Variants in PDS5B observed in about 807,000 individuals in gnomAD.
PDS5B encodes the protein PDS5 cohesin associated factor B, also known as sister chromatid cohesion protein PDS5 homolog B.
PDS5B carries 51 observed loss-of-function variants against 184.1 expected under a neutral mutation model. That is an observed-to-expected ratio of 0.28 (90% CI 0.22 to 0.35). The LOEUF is 0.35. Ranked by LOEUF, PDS5B falls within the 10% of genes least tolerant of loss-of-function variation. The probability of loss-of-function intolerance (pLI) is 1.00; values close to 1 mark genes in which losing one functional copy is unlikely to be tolerated. For synonymous variants in PDS5B, 566 were observed against 569.2 expected, an observed-to-expected ratio of 0.99 and a Z score of 0.08; for missense variants, 1,180 against 1,723.3, an observed-to-expected ratio of 0.68 and a Z score of 5.58.
intron 2 of PDS5B, chr13:32,650,266 T>C (rs1950335818): frequency 6.6e-6 from 1 of 152,216 alleles, no homozygotes; most frequent in Admixed American, 6.5e-5. Context: ...TTAATGTTTG[T>C]AATATGCTTT....
At chr13:32,683,315 A>ATTTTTTTTT in intron 10 of PDS5B, among the ~76,000 whole-genome samples, 1 of 119,916 alleles carries the variant, frequency 8.3e-6, no homozygotes, top group Non-Finnish European at 1.8e-5. Flanking sequence ...GGCCTTTAAA[A>ATTTTTTTTT]TTTTTTTTTT....
intron 1 of PDS5B, among the ~76,000 whole-genome samples, chr13:32,634,991 C>T (rs9526486): frequency 6.8e-6 from 1 of 146,432 alleles, no homozygotes; most frequent in South Asian, 2.1e-4. Context: ...AGCAATATTT[C>T]TTACTGCCTC....
At chr13:32,715,614 C>T (rs1952358126) in intron 19 of PDS5B, among the ~76,000 whole-genome samples, 1 of 149,902 alleles carries the variant, frequency 6.7e-6, no homozygotes. Flanking sequence ...CTAATAAAAC[C>T]ACCAGTGTAG....
At chr13:32,589,796 T>TTTTAAA (rs1555284735) in intron 1 of PDS5B, among the ~76,000 whole-genome samples, 1 of 151,496 alleles carries the variant, frequency 6.6e-6, no homozygotes, top group Non-Finnish European at 1.5e-5. Flanking sequence ...TGTATTTACT[T>TTTTAAA]TTTAAGAAGC....
At chr13:32,649,116 G>C (rs1419701094) in intron 2 of PDS5B, 2 of 393,780 alleles carry the variant, frequency 5.1e-6, no homozygotes, top group Middle Eastern at 1.4e-3. Context: ...CCTATACTTG[G>C]GTATAAAGAA....
intron 1 of PDS5B, among the ~76,000 whole-genome samples, chr13:32,628,343 G>C (rs1185116650): frequency 2.0e-5 from 3 of 151,928 alleles, no homozygotes; most frequent in Non-Finnish European, 4.4e-5. Context: ...GATCACTTGA[G>C]GTCAGGAGTT....
chr13:32,652,009 C>T lies in PDS5B; in HGVS notation c.312+2C>T, dbSNP rs757474498. ...TACACATCCCCTGATAAACTAAAGG[C>T]AAGTACTGATTTAAATAACTCCAAG... is the stretch of plus-strand genomic sequence containing the variant. On this transcript the variant is annotated splice_donor_variant, in intron 3 of 34. Transcript: ENST00000315596. LOFTEE classifies it low-confidence loss of function (GC_TO_GT_DONOR). 1 of 1,589,516 alleles carries T rather than the reference C, an allele frequency of 6.3e-7. No homozygotes were observed. Among genetic ancestry groups the T allele is most frequent in the Non-Finnish European group, 8.6e-7 (1 of 1,157,720 alleles).
At position 32,735,208 on chromosome 13, in the gene PDS5B, C is replaced by T. The variant is rs756528524; in HGVS notation, c.2284C>T (p.His762Tyr). 7 of 1,608,478 alleles carry T rather than the reference C, an allele frequency of 4.4e-6. No individual in the cohort carries two copies. The African/African-American group carries it at 9.4e-5, about 22-fold the overall frequency. The change falls in exon 21 of 35, where the codon CAT becomes TAT. Residue 762 changes from histidine (H) to tyrosine (Y), a missense_variant. This residue lies in a region of PDS5B where 475 missense variants were observed against 691.5 expected (regional missense o/e 0.69). Transcript: ENST00000315596. The stretch of plus-strand genomic sequence containing the variant: ...GAGCCTAGATCCAAGCAACCTGGAA[C>T]ATCTCATAACACCATTGGTTACTAT... ...HKSLDPSNLEHLITPLVTIGH... is the reference protein window; with the variant it reads ...HKSLDPSNLEYLITPLVTIGH...
chr13:32,727,535 T>C (rs116579380), intron 19 of PDS5B, among the ~76,000 whole-genome samples: 2 of 152,236 alleles, frequency 1.3e-5, no homozygotes, highest in Admixed American at 6.5e-5. Context: ...AAAAAGTCTT[T>C]ATTTTTCCCT....
chr13:32,597,041 AT>A (rs1056146017), intron 1 of PDS5B, among the ~76,000 whole-genome samples: 12 of 151,336 alleles, frequency 7.9e-5, no homozygotes, highest in African/African-American at 2.7e-4. Flanking sequence ...AGTTCTTTTT[AT>A]TTTTTATTTT....
At chr13:32,734,792 A>G (rs1443670647) in intron 20 of PDS5B, among the ~76,000 whole-genome samples, 1 of 152,230 alleles carries the variant, frequency 6.6e-6, no homozygotes, top group Admixed American at 6.5e-5. Context: ...AGCTGCAAGT[A>G]GAGTCATCCT....
At chr13:32,633,843 C>CT (rs2140584205) in intron 1 of PDS5B, among the ~76,000 whole-genome samples, 2 of 152,256 alleles carry the variant, frequency 1.3e-5, no homozygotes, top group Non-Finnish European at 2.9e-5. Context: ...TAGTTGTACT[C>CT]TCATTTGTCC....
intron 10 of PDS5B, among the ~76,000 whole-genome samples, chr13:32,681,371 C>T (rs1199860687): frequency 6.6e-6 from 1 of 151,952 alleles, no homozygotes; most frequent in African/African-American, 2.4e-5. Context: ...GCCTGTAATC[C>T]CTGCACTTTG....
At chr13:32,618,747 C>T (rs776996716) in intron 1 of PDS5B, among the ~76,000 whole-genome samples, 21 of 152,160 alleles carry the variant, frequency 1.4e-4, no homozygotes, top group Non-Finnish European at 2.8e-4. Flanking sequence ...GAAGTCATCT[C>T]TTCAAACTTG....
chr13:32,766,120 A>C (rs1308127602), intron 31 of PDS5B, among the ~76,000 whole-genome samples: 3 of 152,190 alleles, frequency 2.0e-5, no homozygotes, highest in Admixed American at 6.5e-5. Context: ...CTTTATTATT[A>C]ATGAGAGCTG....
chr13:32,775,010 T>C lies in PDS5B; in HGVS notation c.4309-7T>C, dbSNP rs1172609885. 2 of 1,612,848 alleles carry C rather than the reference T, an allele frequency of 1.2e-6. No homozygotes were observed. The highest frequency in any genetic ancestry group is 2.2e-5 in the South Asian group (2 of 91,018). ...TTAATTAAGCATCTGGTGACTTTCC[T>C]TTTAAGGTACGGCGGCGAAGTGCTA... On this transcript the variant is annotated splice_polypyrimidine_tract_variant and splice_region_variant and intron_variant, in intron 34 of 34. Transcript: ENST00000315596.
chr13:32,664,444 G>A (rs1309205304), intron 6 of PDS5B, among the ~76,000 whole-genome samples: 2 of 152,162 alleles, frequency 1.3e-5, no homozygotes, highest in Non-Finnish European at 2.9e-5. Context: ...GTTGAAAATT[G>A]TTATAATTGA....
At chr13:32,717,083 C>T (rs1337232925) in intron 19 of PDS5B, among the ~76,000 whole-genome samples, 9 of 88,350 alleles carry the variant, frequency 1.0e-4, no homozygotes, top group South Asian at 3.2e-4. Flanking sequence ...GTCAGCCCCC[C>T]GCCCGGCCAG....
intron 1 of PDS5B, among the ~76,000 whole-genome samples, chr13:32,620,178 G>A (rs2058277667): frequency 6.6e-6 from 1 of 152,082 alleles, no homozygotes; most frequent in African/African-American, 2.4e-5. Context: ...GCTGGTATGT[G>A]GAAATGAAAC....
Sources: allele counts gnomAD v4.1 joint callset (sites outside exome capture counted in the v4.1 genomes callset), GRCh38; gene constraint gnomAD v4.1.1; regional missense constraint gnomAD v4.1.1; transcripts MANE v1.5; gene names NCBI Gene and HGNC (gene_info 2026-07-23, HGNC 2026-07-21).